The following GSK3B variants were observed in gnomAD, a reference collection of about 807,000 sequenced individuals.
GSK3B encodes glycogen synthase kinase 3 beta.
Under a neutral mutation model 56.4 loss-of-function variants are expected in GSK3B, and 15 were observed. That is an observed-to-expected ratio of 0.27 (90% CI 0.18 to 0.41). The LOEUF (loss-of-function observed/expected upper bound fraction) is 0.41. Among genes scored for constraint, GSK3B ranks in the 10% least tolerant of loss-of-function variants. The pLI, the probability that GSK3B is intolerant of heterozygous loss-of-function variation, is 1.00. For synonymous variants in GSK3B, 181 were observed against 188.9 expected (o/e 0.96, Z 0.34); for missense variants, 300 against 513.4 (o/e 0.58, Z 4.02).
At chr3:119,832,107 G>C (rs1241879863) in intron 10 of GSK3B, among the ~76,000 whole-genome samples, 1 of 152,204 alleles carries the variant, frequency 6.6e-6, no homozygotes, top group East Asian at 1.9e-4. Context: ...CCAAGGCTAG[G>C]ACATAAAAGA....
intron 8 of GSK3B, among the ~76,000 whole-genome samples, chr3:119,867,411 G>C (rs747459063): frequency 6.6e-6 from 1 of 151,998 alleles, no homozygotes; most frequent in Non-Finnish European, 1.5e-5. Context: ...CCTTGCACCC[G>C]GTACTTAGGA....
intron 10 of GSK3B, among the ~76,000 whole-genome samples, chr3:119,841,401 C>CT (rs1447972450): frequency 6.6e-6 from 1 of 152,144 alleles, no homozygotes; most frequent in Non-Finnish European, 1.5e-5. Flanking sequence ...AGTGTAAAGC[C>CT]ATTCTAGTAA....
intron 1 of GSK3B, chr3:120,029,434 G>C (rs1296208601): frequency 1.4e-6 from 1 of 723,050 alleles, no homozygotes; most frequent in East Asian, 2.6e-5. Context: ...GTGGAGCTTC[G>C]CCTCCAGCAC....
At chr3:119,996,206 C>T (rs529963662) in intron 2 of GSK3B, among the ~76,000 whole-genome samples, 1 of 152,322 alleles carries the variant, frequency 6.6e-6, no homozygotes, top group South Asian at 2.1e-4. Flanking sequence ...CCCACACAAT[C>T]CTAGCATAGG....
intron 1 of GSK3B, among the ~76,000 whole-genome samples, chr3:120,081,008 T>C (rs2058414725): frequency 6.6e-6 from 1 of 152,158 alleles, no homozygotes; most frequent in Non-Finnish European, 1.5e-5. Flanking sequence ...TTCACTGTTA[T>C]AAATCTCTCT....
At chr3:119,919,452 C>T (rs1268316400) in intron 4 of GSK3B, among the ~76,000 whole-genome samples, 3 of 147,638 alleles carry the variant, frequency 2.0e-5, no homozygotes, top group South Asian at 2.1e-4. Context: ...TAAAAGGGAT[C>T]GATGTCCCCA....
intron 3 of GSK3B, among the ~76,000 whole-genome samples, chr3:119,942,919 T>A (rs996633038): frequency 6.6e-6 from 1 of 152,204 alleles, no homozygotes; most frequent in African/African-American, 2.4e-5. Context: ...CATAGTTAGT[T>A]ACTACTGGGT....
chr3:120,088,031 T>G (rs2107584567), intron 1 of GSK3B, among the ~76,000 whole-genome samples: 1 of 152,300 alleles, frequency 6.6e-6, no homozygotes, highest in East Asian at 1.9e-4. Flanking sequence ...TAGCTGGGAC[T>G]ACAGACGCAC....
chr3:120,030,813 A>G (rs2057968619), intron 1 of GSK3B, among the ~76,000 whole-genome samples: 1 of 152,256 alleles, frequency 6.6e-6, no homozygotes, highest in African/African-American at 2.4e-5. Context: ...TTTTTAAATA[A>G]GTAAACACAC....
At chr3:119,954,091 T>A (rs1439581405) in intron 2 of GSK3B, among the ~76,000 whole-genome samples, 2 of 152,158 alleles carry the variant, frequency 1.3e-5, no homozygotes, top group Non-Finnish European at 2.9e-5. Flanking sequence ...CTCTCAGAGT[T>A]CTCAGAGCAG....
At position 119,822,243 on chromosome 3, in the gene GSK3B, TTATA is replaced by T. The variant is rs71156775; in HGVS notation, c.*4541_*4544del. 25 of 158,544 alleles carry T rather than the reference TTATA, an allele frequency of 1.6e-4. No homozygotes were observed. The highest frequency in any genetic ancestry group is 2.6e-3 in the Middle Eastern group (1 of 392). 9.8% of individuals were successfully genotyped at this position (158,544 alleles called of 1,614,324 possible). On this transcript the variant is annotated 3_prime_UTR_variant, in exon 11 of 11. Transcript: ENST00000264235. ...TAGTTTGTATACAACCCACAGTCCT[TTATA>T]TATATATATATATATATATAATAAA...
intron 1 of GSK3B, among the ~76,000 whole-genome samples, chr3:120,037,199 T>C (rs2058030440): frequency 6.6e-6 from 1 of 152,250 alleles, no homozygotes; most frequent in African/African-American, 2.4e-5. Flanking sequence ...TAAAGGACCC[T>C]TGTTTATCTT....
At chr3:120,036,050 A>G (rs2058019664) in intron 1 of GSK3B, among the ~76,000 whole-genome samples, 1 of 152,184 alleles carries the variant, frequency 6.6e-6, no homozygotes, top group Admixed American at 6.5e-5. Context: ...TGTTGCTCCT[A>G]ATATTAGGCA....
At chr3:119,919,516 TAAGAAAAAAAAAA>T (rs1298492505) in intron 4 of GSK3B, among the ~76,000 whole-genome samples, 16 of 50,508 alleles carry the variant, frequency 3.2e-4, no homozygotes, top group Admixed American at 6.8e-4. Flanking sequence ...TGTGGTTACA[TAAGAAAAAAAAAA>T]AAGAAAAAAA....
chr3:119,942,474 A>T (rs773174126), intron 3 of GSK3B, among the ~76,000 whole-genome samples: 2 of 151,764 alleles, frequency 1.3e-5, no homozygotes, highest in Admixed American at 1.3e-4. Flanking sequence ...AATTTTTTGT[A>T]TTTTTAGTAG....
chr3:119,999,009 T>C (rs1021158198), intron 2 of GSK3B, among the ~76,000 whole-genome samples: 10 of 152,222 alleles, frequency 6.6e-5, no homozygotes, highest in Non-Finnish European at 1.5e-4. Flanking sequence ...GTTTAAACCC[T>C]AGAATTCTAC....
intron 7 of GSK3B, among the ~76,000 whole-genome samples, chr3:119,886,733 G>A (rs1018445392): frequency 6.6e-6 from 1 of 152,084 alleles, no homozygotes; most frequent in Non-Finnish European, 1.5e-5. Context: ...AGATGCTGCT[G>A]GAAGCCATTA....
intron 3 of GSK3B, among the ~76,000 whole-genome samples, chr3:119,939,694 T>G (rs184619521): frequency 1.0e-3 from 159 of 152,166 alleles, no homozygotes; most frequent in African/African-American, 3.8e-3. Context: ...GCATTATCAG[T>G]GAAATAGAAA....
chr3:119,861,853 T>C (rs965985820), intron 9 of GSK3B, among the ~76,000 whole-genome samples: 2 of 152,148 alleles, frequency 1.3e-5, no homozygotes, highest in Non-Finnish European at 2.9e-5. Flanking sequence ...TCAGAACATA[T>C]CTGCATCATT....
Sources: allele counts gnomAD v4.1 joint callset (sites outside exome capture counted in the v4.1 genomes callset), GRCh38; gene constraint gnomAD v4.1.1; transcripts MANE v1.5; gene names NCBI Gene and HGNC (gene_info 2026-07-23, HGNC 2026-07-21).